NLRC5: variants seen among roughly 807,000 people sequenced by gnomAD.
NLRC5 encodes the protein NLR family CARD domain containing 5, also known as protein NLRC5.
Under a neutral mutation model 206.9 loss-of-function variants are expected in NLRC5, and 114 were observed. That is an observed-to-expected ratio of 0.55 (90% CI 0.47 to 0.64). The LOEUF is 0.64. Ranked by LOEUF, NLRC5 falls within the 30% of genes least tolerant of loss-of-function variation. The probability of loss-of-function intolerance (pLI) is 0.00; values close to 1 mark genes in which losing one functional copy is unlikely to be tolerated. For synonymous variants in NLRC5, 952 were observed against 962.8 expected, an observed-to-expected ratio of 0.99 and a Z score of 0.21; for missense variants, 2,008 against 2,305.5, an observed-to-expected ratio of 0.87 and a Z score of 2.64.
At chr16:57,001,592 C>G (rs558661839) in intron 1 of NLRC5, among the ~76,000 whole-genome samples, 1 of 152,018 alleles carries the variant, frequency 6.6e-6, no homozygotes, top group East Asian at 1.9e-4. Flanking sequence ...GTGGATTGAA[C>G]CTTTTTTTTA....
chr16:57,006,411 C>CTGTT (rs1567514378), intron 1 of NLRC5, among the ~76,000 whole-genome samples: 2 of 55,722 alleles, frequency 3.6e-5, no homozygotes, highest in Non-Finnish European at 8.0e-5. Context: ...CATCTTCATC[C>CTGTT]TCTTTTTTTT....
rs560469934 is a variant in NLRC5 at position 57,028,792 on chromosome 16, G to A, written c.2243+407G>A. Among the ~76,000 whole-genome samples, 24 of 152,306 alleles carry A rather than the reference G, an allele frequency of 1.6e-4. No homozygotes were observed. In the South Asian group the frequency reaches 2.9e-3, roughly 18 times the overall value. ...AGTACACAGGCATATGCAAGAATATGCACCCACACATGCCCACTCATAGGT... is the reference window on the plus strand; with the variant it reads ...AGTACACAGGCATATGCAAGAATATACACCCACACATGCCCACTCATAGGT... On this transcript the variant is annotated intron_variant, in intron 8 of 48. Transcript: ENST00000688547.
At position 57,017,082 on chromosome 16, in the gene NLRC5, A is replaced by G. The variant is rs1225876658; in HGVS notation, c.-119A>G. On this transcript the variant is annotated 5_prime_UTR_variant, in exon 2 of 49. Transcript: ENST00000688547. ...GTCTTCTCTCCCCTTAGGAGTCTGC[A>G]CTATGGAAACAACCTGTCAATCCAG... 1 of 152,794 alleles carries G rather than the reference A, an allele frequency of 6.5e-6. No individual in the cohort carries two copies. The highest frequency in any genetic ancestry group is 2.4e-5 in the African/African-American group (1 of 41,448). The allele number at this position is 152,794 out of a possible 1,614,324, so 9.5% of individuals were successfully genotyped here. A position where few individuals can be genotyped will look rare whatever the true frequency, so the allele number is the denominator to read the frequency against.
chr16:57,062,078 A>T, intron 32 of NLRC5: 2 of 1,263,950 alleles, frequency 1.6e-6, no homozygotes, highest in Non-Finnish European at 2.1e-6. Context: ...ATAATTTTTT[A>T]AAACTCCTAT....
chr16:57,030,108 G>A (rs1226208628), intron 10 of NLRC5, 24 bp downstream of exon 10: 1 of 1,578,742 alleles, frequency 6.3e-7, no homozygotes, highest in Admixed American at 1.7e-5. Context: ...AAGGGATCTT[G>A]GCCTTATGGG....
chr16:57,073,571 C>G (rs1023835709), intron 38 of NLRC5, among the ~76,000 whole-genome samples: 2 of 152,112 alleles, frequency 1.3e-5, no homozygotes, highest in Non-Finnish European at 2.9e-5. Flanking sequence ...GACAGTTGAC[C>G]ATCTTTTGCT....
chr16:57,069,563 A>G (rs1391422186), intron 36 of NLRC5, among the ~76,000 whole-genome samples: 1 of 152,262 alleles, frequency 6.6e-6, no homozygotes, highest in Non-Finnish European at 1.5e-5. Flanking sequence ...GTAACTAGCT[A>G]AACTACAGTG....
chr16:57,067,243 TTC>T, intron 34 of NLRC5, 142 bp from the exon 35 acceptor site: 1 of 714,376 alleles, frequency 1.4e-6, no homozygotes, highest in South Asian at 1.7e-5. Context: ...TTCCTAGCAC[TTC>T]TCATAAGTGA....
intron 8 of NLRC5, 30 bp downstream of exon 8, chr16:57,028,415 T>C (rs1412204197): frequency 6.4e-7 from 1 of 1,563,272 alleles, no homozygotes; most frequent in East Asian, 2.2e-5. Flanking sequence ...GCTCACTGAC[T>C]GGGGAGATGA....
intron 4 of NLRC5, among the ~76,000 whole-genome samples, chr16:57,022,678 T>G (rs534042157): frequency 6.6e-6 from 1 of 152,334 alleles, no homozygotes; most frequent in East Asian, 1.9e-4. Context: ...CCTCCCGACT[T>G]GTACACCTTG....
chr16:57,052,029 G>T (rs1443787175), intron 24 of NLRC5, among the ~76,000 whole-genome samples: 1 of 152,198 alleles, frequency 6.6e-6, no homozygotes, highest in African/African-American at 2.4e-5. Flanking sequence ...TCACCCACTC[G>T]TAGAAAGGGG....
At chr16:57,000,130 C>T (rs547741120) in intron 1 of NLRC5, among the ~76,000 whole-genome samples, 12 of 152,232 alleles carry the variant, frequency 7.9e-5, no homozygotes, top group Middle Eastern at 3.4e-3. Context: ...GACACGCAAG[C>T]GGGAGCCTTC....
At position 57,067,812 on chromosome 16, in the gene NLRC5, G is replaced by A. The variant is rs2067228297; in HGVS notation, c.4483G>A (p.Glu1495Lys). 6.2e-7 allele frequency: 1 copy of A among 1,614,046 alleles called. No homozygotes were observed. The highest frequency in any genetic ancestry group is 8.5e-7 in the Non-Finnish European group (1 of 1,179,930). ...LLQSLLLSLSELKTFRLTSSC... is the reference protein window; with the variant it reads ...LLQSLLLSLSKLKTFRLTSSC... ...GCAGAGCCTCCTGCTGTCCCTCTCT[G>A]AGCTGAAGACATTTCGGTATGTAGA... Residue 1495 changes from glutamate (E) to lysine (K), a missense_variant, in exon 36 of 49, where the codon GAG (glutamate) becomes AAG (lysine). Coordinates refer to ENST00000688547, the MANE Select transcript of NLRC5 (RefSeq NM_001384950.1).
chr16:57,076,923 C>T, intron 40 of NLRC5, 21 bp downstream of exon 40: 1 of 1,610,844 alleles, frequency 6.2e-7, no homozygotes, highest in Non-Finnish European at 8.5e-7. Context: ...CATTCTGCCC[C>T]CAGACCCAGG....
At position 57,030,050 on chromosome 16, in the gene NLRC5, G is replaced by C. The variant is rs753265445; in HGVS notation, c.2383G>C (p.Val795Leu). ...STLLCLARVA[V>L]TCPTVRMLQA... ...CCTACTCTGCTTGGCAAGGGTGGCA[G>C]TCACGTGTCCTACCGTCAGGATGCT... Residue 795 changes from valine (V) to leucine (L), a missense_variant, in exon 10 of 49, where the codon GTC (valine) becomes CTC (leucine). Coordinates refer to ENST00000688547, the MANE Select transcript of NLRC5 (RefSeq NM_001384950.1). 6.2e-7 allele frequency: 1 copy of C among 1,614,182 alleles called. No individual in the cohort carries two copies. Among genetic ancestry groups the C allele is most frequent in the Non-Finnish European group, 8.5e-7 (1 of 1,180,024 alleles).
Position 57,025,822 on chromosome 16 carries a change from G to A in NLRC5, c.879G>A (p.Gln293=), listed in dbSNP as rs1416578340. The A allele has an allele frequency of 3.1e-6, 5 of 1,614,142 alleles. No homozygotes were observed. The highest frequency in any genetic ancestry group is 8.5e-7 in the Non-Finnish European group (1 of 1,180,062). The change falls in exon 6 of 49, where the codon CAG becomes CAA. Residue 293 remains glutamine, a synonymous_variant. Coordinates refer to ENST00000688547, the MANE Select transcript of NLRC5 (RefSeq NM_001384950.1). ...AATCGGACCACGACACTGTCTTCCA[G>A]TACCTGGAGAAGAACGCTGACCAAG... is the stretch of plus-strand genomic sequence containing the variant. ...SPESDHDTVF[Q]YLEKNADQVL...
chr16:57,074,484 A>G lies in NLRC5; in HGVS notation c.4668-116A>G, dbSNP rs2068119355. ...TTTGTAGAATTTTTACACTGTGTGGATATAAGTGGCTGTCTTGGAGGTCCC... is the reference window on the plus strand; with the variant it reads ...TTTGTAGAATTTTTACACTGTGTGGGTATAAGTGGCTGTCTTGGAGGTCCC... On this transcript the variant is annotated intron_variant, in intron 38 of 48. Transcript: ENST00000688547. The G allele has an allele frequency of 3.7e-6, 3 of 810,486 alleles. No homozygotes were observed. In the East Asian group the frequency reaches 7.4e-5, roughly 20 times the overall value. The allele number at this position is 810,486 out of a possible 1,614,324, so 50.2% of individuals were successfully genotyped here.
chr16:57,019,396 CA>C (rs35500096), intron 2 of NLRC5, among the ~76,000 whole-genome samples: 25 of 144,796 alleles, frequency 1.7e-4, no homozygotes, highest in African/African-American at 3.8e-4. Context: ...GACTCTGTCT[CA>C]AAAAAAAAAG....
At chr16:57,014,692 G>T (rs1264783259) in intron 1 of NLRC5, among the ~76,000 whole-genome samples, 1 of 152,152 alleles carries the variant, frequency 6.6e-6, no homozygotes. Flanking sequence ...TCGAAGGCAA[G>T]TATGTCTTAG....
Sources: allele counts gnomAD v4.1 joint callset (sites outside exome capture counted in the v4.1 genomes callset), GRCh38; gene constraint gnomAD v4.1.1; transcripts MANE v1.5; gene names NCBI Gene and HGNC (gene_info 2026-07-23, HGNC 2026-07-21).